Variants in LANCL3 observed in about 807,000 individuals in gnomAD.
LANCL3 encodes LanC like family member 3.
LANCL3 carries 19 observed loss-of-function variants against 26.5 expected under a neutral mutation model. The observed-to-expected ratio is 0.72, with a 90% confidence interval of 0.50 to 1.05. The LOEUF is 1.05. Among genes scored for constraint, LANCL3 ranks in the 50% least tolerant of loss-of-function variants. The pLI, the probability that LANCL3 is intolerant of heterozygous loss-of-function variation, is 0.00. For missense variants in LANCL3, 318 were observed against 362.7 expected (o/e 0.88, Z 1.00); for synonymous variants, 160 against 166.6 (o/e 0.96, Z 0.30).
At chrX:37,633,628 TGTTA>T (rs1925605621) in intron 1 of LANCL3, among the ~76,000 whole-genome samples, 1 of 111,581 alleles carries the variant, frequency 9.0e-6, no homozygotes, top group Non-Finnish European at 1.9e-5. Context: ...CCTTTCTGTT[TGTTA>T]GTTTTCCTTC....
chrX:37,633,072 C>G (rs1372882427), intron 1 of LANCL3, among the ~76,000 whole-genome samples: 1 of 111,455 alleles, frequency 9.0e-6, no homozygotes, highest in Admixed American at 9.5e-5. Context: ...TCCATTCTCC[C>G]CGTCACTTTC....
chrX:37,587,183 G>T (rs1168832309), intron 1 of LANCL3, among the ~76,000 whole-genome samples: 1 of 112,623 alleles, frequency 8.9e-6, no homozygotes, highest in Non-Finnish European at 1.9e-5. Context: ...GTACCCGGCT[G>T]TGTGAGGTGT....
intron 1 of LANCL3, among the ~76,000 whole-genome samples, chrX:37,617,594 G>A (rs1201874768): frequency 8.9e-6 from 1 of 111,830 alleles, no homozygotes; most frequent in African/African-American, 3.3e-5. Flanking sequence ...TAGAACATAA[G>A]ACTACCAGTA....
In LANCL3 at chrX:37,675,766, C is replaced by T. The variant is rs41305229; in HGVS notation, c.1216C>T (p.Leu406=). The T allele has an allele frequency of 2.4e-3, 2,751 of 1,159,079 alleles. 4 individuals are homozygous for T. Among genetic ancestry groups the T allele is most frequent in the Non-Finnish European group, 2.7e-3 (2,322 of 869,243 alleles). Residue 406 remains leucine (L), a synonymous_variant, in exon 5 of 5, where the codon CTG becomes TTG. Coordinates refer to ENST00000378619, the MANE Select transcript of LANCL3 (RefSeq NM_001170331.2). The part of the protein sequence containing the change: ...SGTVCFLIDL[L]QPNQAEFPLF... ...GACAGTGTGCTTTCTGATTGACCTGCTGCAGCCCAATCAGGCTGAATTCCC... is the reference window on the plus strand; with the variant it reads ...GACAGTGTGCTTTCTGATTGACCTGTTGCAGCCCAATCAGGCTGAATTCCC...
In LANCL3 at chrX:37,683,300, A is replaced by G. The variant is rs1253453901; in HGVS notation, c.*7487A>G. On this transcript the variant is annotated 3_prime_UTR_variant, in exon 5 of 5. Coordinates refer to ENST00000378619, the MANE Select transcript of LANCL3 (RefSeq NM_001170331.2). ...AATATAGTATAACTGCTTATTTCAA[A>G]TTGTATCTAGGAATGAATAACTACT... 2 of 112,075 alleles carry G rather than the reference A, an allele frequency of 1.8e-5. No homozygotes were observed. Among genetic ancestry groups the G allele is most frequent in the Non-Finnish European group, 3.8e-5 (2 of 53,158 alleles). The allele number at this position is 112,075 out of a possible 1,213,427, so 9.2% of individuals were successfully genotyped here.
chrX:37,617,317 G>T (rs1925036988), intron 1 of LANCL3, among the ~76,000 whole-genome samples: 1 of 111,411 alleles, frequency 9.0e-6, no homozygotes, highest in African/African-American at 3.3e-5. Context: ...GTAGCCTGGA[G>T]GTAGGCAGTC....
intron 1 of LANCL3, among the ~76,000 whole-genome samples, chrX:37,587,293 T>C (rs138730105): frequency 0.01 from 1,143 of 112,589 alleles, 10 homozygotes; most frequent in African/African-American, 0.035. Flanking sequence ...TCAAATTCCA[T>C]GCTGGGAGAA....
At chrX:37,660,549 A>G (rs1556432341) in intron 3 of LANCL3, among the ~76,000 whole-genome samples, 15 of 111,907 alleles carry the variant, frequency 1.3e-4, no homozygotes, top group Non-Finnish European at 2.3e-4. Flanking sequence ...TTAAATTCAA[A>G]TAAATAAATT....
intron 1 of LANCL3, among the ~76,000 whole-genome samples, chrX:37,624,053 C>T (rs1244364166): frequency 8.9e-6 from 1 of 111,746 alleles, no homozygotes; most frequent in African/African-American, 3.3e-5. Context: ...CCAGTCTTGC[C>T]ATTGAATATA....
At chrX:37,667,588 T>C in intron 4 of LANCL3, 99 bp downstream of exon 4, 1 of 631,064 alleles carries the variant, frequency 1.6e-6, no homozygotes, top group Non-Finnish European at 2.3e-6. Context: ...AGCATAAAAA[T>C]AAATACATCA....
intron 3 of LANCL3, among the ~76,000 whole-genome samples, chrX:37,661,055 G>T (rs1243076608): frequency 2.7e-5 from 3 of 110,357 alleles, no homozygotes; most frequent in Non-Finnish European, 5.7e-5. Flanking sequence ...ATTTCTTCTT[G>T]TTAGCCTCAA....
At chrX:37,628,716 C>T (rs1269253322) in intron 1 of LANCL3, among the ~76,000 whole-genome samples, 4 of 104,678 alleles carry the variant, frequency 3.8e-5, no homozygotes, top group East Asian at 6.2e-4. Flanking sequence ...TTTGTCCCTG[C>T]GATAGTTTAC....
chrX:37,666,084 G>A (rs782529124), intron 3 of LANCL3, among the ~76,000 whole-genome samples: 106 of 111,799 alleles, frequency 9.5e-4, no homozygotes, highest in African/African-American at 3.3e-3. Context: ...ATTAACCACA[G>A]GCTATATTAA....
intron 1 of LANCL3, among the ~76,000 whole-genome samples, chrX:37,601,826 C>G (rs1396720269): frequency 1.8e-5 from 2 of 111,906 alleles, no homozygotes; most frequent in Non-Finnish European, 3.8e-5. Flanking sequence ...CTTTTTATGT[C>G]TATTGAGCAG....
intron 1 of LANCL3, among the ~76,000 whole-genome samples, chrX:37,640,205 T>G (rs1385484935): frequency 8.9e-6 from 1 of 112,288 alleles, no homozygotes; most frequent in Non-Finnish European, 1.9e-5. Context: ...TGAGACTGTG[T>G]AATTTATAAA....
At chrX:37,624,564 TATTAA>T (rs1556422755) in intron 1 of LANCL3, among the ~76,000 whole-genome samples, 1 of 112,204 alleles carries the variant, frequency 8.9e-6, no homozygotes, top group Non-Finnish European at 1.9e-5. Context: ...GAAATTAATT[TATTAA>T]ATTAATGTAA....
chrX:37,663,914 C>T (rs1926479769), intron 3 of LANCL3, among the ~76,000 whole-genome samples: 2 of 111,735 alleles, frequency 1.8e-5, no homozygotes, highest in South Asian at 7.5e-4. Flanking sequence ...TGGAGACTAG[C>T]TTCACCCTGA....
At chrX:37,639,741 G>T (rs782800969) in intron 1 of LANCL3, among the ~76,000 whole-genome samples, 1 of 111,591 alleles carries the variant, frequency 9.0e-6, no homozygotes, top group Non-Finnish European at 1.9e-5. Flanking sequence ...AGCATCACAC[G>T]TGGAGCTTTT....
In LANCL3 at chrX:37,682,793, T is replaced by C. The variant is rs1250474026; in HGVS notation, c.*6980T>C. 1 of 112,180 alleles carries C rather than the reference T, an allele frequency of 8.9e-6. No homozygotes were observed. Among genetic ancestry groups the C allele is most frequent in the Non-Finnish European group, 1.9e-5 (1 of 53,247 alleles). 9.2% of individuals were successfully genotyped at this position (112,180 alleles called of 1,213,427 possible). A position where few individuals can be genotyped will look rare whatever the true frequency, so the allele number is the denominator to read the frequency against. On this transcript the variant is annotated 3_prime_UTR_variant, in exon 5 of 5. Transcript: ENST00000378619. ...GTTCTTGAAAATGCAAAATGTAACATGAGTTGCACATAGACTCTCTAGCAG... is the reference window on the plus strand; with the variant it reads ...GTTCTTGAAAATGCAAAATGTAACACGAGTTGCACATAGACTCTCTAGCAG...
Sources: gnomAD v4.1 joint callset for allele counts (sites outside exome capture counted in the v4.1 genomes callset) on GRCh38, gnomAD v4.1.1 for gene constraint, MANE v1.5 for transcripts, NCBI Gene and HGNC (gene_info 2026-07-23, HGNC 2026-07-21) for gene names.